CRY1: variants seen among roughly 807,000 people sequenced by gnomAD.
CRY1 encodes the protein cryptochrome-1.
CRY1 carries 45 observed loss-of-function variants against 76.0 expected under a neutral mutation model. The observed-to-expected ratio is 0.59, with a 90% CI of 0.47 to 0.76. CRY1 has a LOEUF of 0.76. Ranked by LOEUF, CRY1 falls within the 30% of genes least tolerant of loss-of-function variation. The pLI, the probability that CRY1 is intolerant of heterozygous loss-of-function variation, is 0.00. For missense variants in CRY1, 587 were observed against 716.4 expected, an observed-to-expected ratio of 0.82 and a Z score of 2.06; for synonymous variants, 248 against 244.0, an observed-to-expected ratio of 1.02 and a Z score of -0.15.
At chr12:107,006,693 AGTGGCTGAAGT>A (rs1952379583) in intron 2 of CRY1, among the ~76,000 whole-genome samples, 2 of 15,940 alleles carry the variant, frequency 1.3e-4, no homozygotes, top group East Asian at 0.048. Flanking sequence ...GCTGAAGTGC[AGTGGCTGAAGT>A]GCAGTGGCAT....
intron 1 of CRY1, among the ~76,000 whole-genome samples, chr12:107,044,651 A>C (rs1952831053): frequency 6.6e-6 from 1 of 152,238 alleles, no homozygotes; most frequent in Non-Finnish European, 1.5e-5. Flanking sequence ...TCACAATATA[A>C]ACAAGAAATT....
intron 1 of CRY1, among the ~76,000 whole-genome samples, chr12:107,077,582 ATATTT>A (rs530648437): frequency 1.5e-3 from 234 of 152,282 alleles, no homozygotes; most frequent in African/African-American, 5.1e-3. Flanking sequence ...CCTTATCTAT[ATATTT>A]TATTTCTTAT....
intron 2 of CRY1, 117 bp from the exon 3 acceptor site, chr12:107,005,365 T>A: frequency 9.4e-7 from 1 of 1,061,088 alleles, no homozygotes; most frequent in Non-Finnish European, 1.3e-6. Context: ...TAAATCAAAC[T>A]TTGAATATGC....
At chr12:107,035,634 G>A (rs1216668816) in intron 1 of CRY1, among the ~76,000 whole-genome samples, 2 of 152,196 alleles carry the variant, frequency 1.3e-5, no homozygotes, top group Non-Finnish European at 2.9e-5. Context: ...GCAAAGCCAT[G>A]ATTTCAAACC....
At chr12:106,996,662 T>C (rs866027235) in intron 10 of CRY1, among the ~76,000 whole-genome samples, 9 of 152,338 alleles carry the variant, frequency 5.9e-5, no homozygotes, top group Middle Eastern at 6.8e-3. Context: ...ATAATCACCA[T>C]TCTCACTGAT....
At chr12:107,046,453 T>C (rs1952850192) in intron 1 of CRY1, among the ~76,000 whole-genome samples, 1 of 151,836 alleles carries the variant, frequency 6.6e-6, no homozygotes, top group Non-Finnish European at 1.5e-5. Context: ...CAAACCACAA[T>C]GATAAACAAT....
chr12:107,043,015 T>G (rs191543698), intron 1 of CRY1: 6 of 152,296 alleles, frequency 3.9e-5, no homozygotes, highest in Non-Finnish European at 8.8e-5. Context: ...ACCCTGCAGC[T>G]ACAGGGCTAC....
At chr12:107,035,230 G>C (rs1386925354) in intron 1 of CRY1, among the ~76,000 whole-genome samples, 1 of 152,096 alleles carries the variant, frequency 6.6e-6, no homozygotes, top group Admixed American at 6.5e-5. Context: ...TAACTATTCA[G>C]GTCTGTTTGA....
chr12:106,998,094 T>C (rs552529081), intron 7 of CRY1, 28 bp from the exon 8 acceptor site: 2 of 1,612,204 alleles, frequency 1.2e-6, no homozygotes, highest in South Asian at 2.2e-5. Context: ...ACCAATTAGT[T>C]TGCACACACA....
chr12:107,026,164 T>TATATATATTACATATATATATAAAATAA (rs1952612727), intron 1 of CRY1, among the ~76,000 whole-genome samples: 1 of 20,964 alleles, frequency 4.8e-5, no homozygotes, highest in African/African-American at 2.3e-4. Context: ...ATAAAATATA[T>TATATATATTACATATATATATAAAATAA]ATATATATAT....
At chr12:107,048,365 C>T (rs1948389005) in intron 1 of CRY1, among the ~76,000 whole-genome samples, 1 of 152,206 alleles carries the variant, frequency 6.6e-6, no homozygotes, top group South Asian at 2.1e-4. Context: ...CAGGCGTGCG[C>T]TACTGTGCCC....
chr12:107,084,060 C>A (rs773883454), intron 1 of CRY1, among the ~76,000 whole-genome samples: 2 of 151,792 alleles, frequency 1.3e-5, no homozygotes, highest in Non-Finnish European at 2.9e-5. Context: ...AGTCAAGTCA[C>A]GAATGAACTC....
intron 1 of CRY1, among the ~76,000 whole-genome samples, chr12:107,026,769 GT>G (rs66881305): frequency 0.12 from 15,497 of 133,996 alleles, 1,456 homozygotes; most frequent in African/African-American, 0.27. Flanking sequence ...AATAATTCCT[GT>G]TTTTTTTTTT....
At chr12:107,021,979 A>G in intron 2 of CRY1, 105 bp downstream of exon 2, 1 of 865,644 alleles carries the variant, frequency 1.2e-6, no homozygotes, top group Non-Finnish European at 1.8e-6. Context: ...TTTACTTGAA[A>G]ATACTTATAT....
rs1566245681 is a variant in CRY1 at position 107,009,603 on chromosome 12, A to ATATATATATATATATAT, written c.268-4356_268-4355insATATATATATATATATA. ...ATATATATATATATATATATATATA[A>ATATATATATATATATAT]AATCTCTATATCTCCAGGTTCACGG... is the stretch of plus-strand genomic sequence containing the variant. On this transcript the variant is annotated intron_variant, in intron 2 of 12. Coordinates refer to ENST00000008527, the MANE Select transcript of CRY1 (RefSeq NM_004075.5). Among the ~76,000 whole-genome samples, 55 of 7,756 alleles carry ATATATATATATATATAT rather than the reference A, an allele frequency of 7.1e-3. 1 individual carries two copies. The highest frequency in any genetic ancestry group is 0.015 in the African/African-American group (52 of 3,492). The allele number at this position is 7,756 out of a possible 152,430, so 5.1% of individuals were successfully genotyped here.
chr12:107,020,186 C>CAAAAAAAAAAAA (rs5800723), intron 2 of CRY1, among the ~76,000 whole-genome samples: 7 of 134,810 alleles, frequency 5.2e-5, no homozygotes, highest in African/African-American at 1.1e-4. Context: ...TTCATACAAG[C>CAAAAAAAAAAAA]AAAAAAAAAA....
At chr12:107,008,729 A>AATCC (rs1316324537) in intron 2 of CRY1, among the ~76,000 whole-genome samples, 1 of 152,158 alleles carries the variant, frequency 6.6e-6, no homozygotes, top group Non-Finnish European at 1.5e-5. Context: ...CAGCTCCCAT[A>AATCC]ATCCCCACAT....
intron 1 of CRY1, among the ~76,000 whole-genome samples, chr12:107,044,282 G>A (rs1208610917): frequency 6.6e-6 from 1 of 152,068 alleles, no homozygotes; most frequent in African/African-American, 2.4e-5. Context: ...CTAATTGTGG[G>A]GAAAATGAGA....
chr12:106,992,918 G>C, intron 11 of CRY1, 28 bp from the exon 12 acceptor site: 4 of 1,613,864 alleles, frequency 2.5e-6, no homozygotes, highest in Non-Finnish European at 3.4e-6. Context: ...GTATGTTTAA[G>C]ATAGGAAAAG....
Sources: allele counts gnomAD v4.1 joint callset (sites outside exome capture counted in the v4.1 genomes callset), GRCh38; gene constraint gnomAD v4.1.1; transcripts MANE v1.5; gene names NCBI Gene and HGNC (gene_info 2026-07-23, HGNC 2026-07-21).